AGMO: variants seen among roughly 807,000 people sequenced by gnomAD.
The protein encoded by AGMO is glyceryl-ether monooxygenase.
A neutral mutation model predicts 60.2 loss-of-function variants in AGMO; 75 were observed. The observed-to-expected ratio is 1.25, with a 90% CI of 1.03 to 1.51. The LOEUF (loss-of-function observed/expected upper bound fraction) is 1.51, where lower values mean the gene tolerates loss of function less well. Among genes scored for constraint, AGMO ranks in the 40% most tolerant of loss-of-function variants. The pLI is 0.00. For missense variants in AGMO, 763 were observed against 525.5 expected (o/e 1.45, Z -4.42); for synonymous variants, 261 against 177.1 (o/e 1.47, Z -3.76).
At chr7:15,389,614 G>A (rs56333770) in intron 8 of AGMO, among the ~76,000 whole-genome samples, 1,942 of 152,234 alleles carry the variant, frequency 0.013, 38 homozygotes, top group African/African-American at 0.044. Flanking sequence ...GGCCCTTTAC[G>A]TAAAGAGGCA....
At chr7:15,117,490 T>C in the AGMO span, among the ~76,000 whole-genome samples, 1 of 151,998 alleles carries the variant, frequency 6.6e-6, no homozygotes, top group East Asian at 1.9e-4. Flanking sequence ...TAAATTTCAC[T>C]GTTTGTAAAT....
chr7:15,133,774 G>A, the AGMO span, among the ~76,000 whole-genome samples: 1 of 152,156 alleles, frequency 6.6e-6, no homozygotes. Context: ...CAACCCAGGT[G>A]AGAGTTGGAG....
intron 12 of AGMO, among the ~76,000 whole-genome samples, chr7:15,340,783 CCT>C (rs1244357178): frequency 6.6e-6 from 1 of 152,184 alleles, no homozygotes; most frequent in East Asian, 1.9e-4. Context: ...TCATGGAAAA[CCT>C]CTGCTAGGGC....
chr7:15,511,604 C>G (rs1447003421), intron 3 of AGMO, among the ~76,000 whole-genome samples: 1 of 152,048 alleles, frequency 6.6e-6, no homozygotes, highest in Non-Finnish European at 1.5e-5. Flanking sequence ...GTATTGTATA[C>G]TTGAAATTTG....
chr7:15,294,981 G>C (rs1784370851), intron 12 of AGMO, among the ~76,000 whole-genome samples: 1 of 151,582 alleles, frequency 6.6e-6, no homozygotes, highest in East Asian at 1.9e-4. Flanking sequence ...AATTATGGAA[G>C]AAACTAAAAT....
At chr7:15,170,348 G>A in the AGMO span, among the ~76,000 whole-genome samples, 1 of 142,206 alleles carries the variant, frequency 7.0e-6, no homozygotes, top group East Asian at 2.5e-4. Flanking sequence ...TATAAAAGGA[G>A]ACAGAAATTT....
Position 15,322,577 on chromosome 7 carries a change from TATATATAA to T in AGMO, c.1263+42929_1263+42936del, listed in dbSNP as rs1253101147. ...ATATAAATATATAAATATATATAAA[TATATATAA>T]ATATATAAATATATATAAATATATA... is the stretch of plus-strand genomic sequence containing the variant. On this transcript the variant is annotated intron_variant, in intron 12 of 12. Coordinates refer to ENST00000342526, the MANE Select transcript of AGMO (RefSeq NM_001004320.2). Among the ~76,000 whole-genome samples the T allele has an allele frequency of 4.0e-3, 160 of 40,288 alleles. 15 individuals carry two copies. The highest frequency in any genetic ancestry group is 5.4e-3 in the Admixed American group (10 of 1,838). The allele number at this position is 40,288 out of a possible 152,430, so 26.4% of individuals were successfully genotyped here.
chr7:15,180,910 T>C, the AGMO span, among the ~76,000 whole-genome samples: 6 of 152,244 alleles, frequency 3.9e-5, no homozygotes, highest in Non-Finnish European at 5.9e-5. Context: ...CATCCCATGA[T>C]GGAAGGCAGC....
intron 3 of AGMO, among the ~76,000 whole-genome samples, chr7:15,465,952 A>C (rs1400523417): frequency 1.3e-5 from 2 of 152,138 alleles, no homozygotes; most frequent in African/African-American, 4.8e-5. Flanking sequence ...AAAATACTAA[A>C]ATTTATTTTC....
chr7:15,336,617 T>C (rs114867519), intron 12 of AGMO, among the ~76,000 whole-genome samples: 1,648 of 152,280 alleles, frequency 0.011, 32 homozygotes, highest in African/African-American at 0.034. Flanking sequence ...CCGAATATAT[T>C]AATCACATTC....
At chr7:15,528,366 A>T (rs1784180896) in intron 3 of AGMO, among the ~76,000 whole-genome samples, 1 of 152,146 alleles carries the variant, frequency 6.6e-6, no homozygotes, top group Non-Finnish European at 1.5e-5. Context: ...TATTCACTTT[A>T]TCATGCTGGT....
chr7:15,152,184 G>C, the AGMO span, among the ~76,000 whole-genome samples: 1 of 151,994 alleles, frequency 6.6e-6, no homozygotes, highest in African/African-American at 2.4e-5. Flanking sequence ...TTTAAAGTCT[G>C]TTTTGTGTGA....
At chr7:15,397,621 T>C (rs1784445077) in intron 5 of AGMO, among the ~76,000 whole-genome samples, 1 of 152,172 alleles carries the variant, frequency 6.6e-6, no homozygotes, top group African/African-American at 2.4e-5. Flanking sequence ...TCTCCCCACC[T>C]CTCCCTCTCT....
chr7:15,396,587 G>C (rs893831553), intron 5 of AGMO: 13 of 152,236 alleles, frequency 8.5e-5, no homozygotes, highest in East Asian at 5.8e-4. Flanking sequence ...CTCCTTGCTT[G>C]GATCGCCAGC....
intron 12 of AGMO, among the ~76,000 whole-genome samples, chr7:15,337,515 A>T (rs1177126959): frequency 1.3e-5 from 2 of 152,086 alleles, no homozygotes; most frequent in Admixed American, 1.3e-4. Flanking sequence ...TGATCTTCCC[A>T]GCTGAGAAAA....
intron 12 of AGMO, among the ~76,000 whole-genome samples, chr7:15,220,950 A>G (rs1781900881): frequency 6.6e-6 from 1 of 152,144 alleles, no homozygotes; most frequent in Non-Finnish European, 1.5e-5. Flanking sequence ...ATATTCGTAA[A>G]TCTTATAAAA....
rs375471235 is a variant in AGMO at position 15,406,931 on chromosome 7, G to GCA, written c.609+11625_609+11626dup. On this transcript the variant is annotated intron_variant, in intron 5 of 12. Coordinates refer to ENST00000342526, the MANE Select transcript of AGMO (RefSeq NM_001004320.2). ...GCCCCTTTGTTTGGAATACACACGC[G>GCA]CACACACACACACACACACACGTAT... is the stretch of plus-strand genomic sequence containing the variant. Among the ~76,000 whole-genome samples, 514 of 94,480 alleles carry GCA rather than the reference G, an allele frequency of 5.4e-3. 19 individuals are homozygous for GCA. The highest frequency in any genetic ancestry group is 0.014 in the African/African-American group (343 of 25,006). The allele number at this position is 94,480 out of a possible 152,430, so 62.0% of individuals were successfully genotyped here. A position where few individuals can be genotyped will look rare whatever the true frequency, so the allele number is the denominator to read the frequency against.
At chr7:15,270,205 T>C (rs567837275) in intron 12 of AGMO, among the ~76,000 whole-genome samples, 1 of 152,128 alleles carries the variant, frequency 6.6e-6, no homozygotes, top group African/African-American at 2.4e-5. Context: ...TTCATAGAGG[T>C]TGTACTAATT....
At chr7:15,342,534 G>A (rs1489616886) in intron 12 of AGMO, among the ~76,000 whole-genome samples, 1 of 151,710 alleles carries the variant, frequency 6.6e-6, no homozygotes, top group Non-Finnish European at 1.5e-5. Flanking sequence ...TGAGAGAAAG[G>A]CTTTATATTC....
Sources: gnomAD v4.1 joint callset for allele counts (sites outside exome capture counted in the v4.1 genomes callset) on GRCh38, gnomAD v4.1.1 for gene constraint, MANE v1.5 for transcripts, NCBI Gene and HGNC (gene_info 2026-07-23, HGNC 2026-07-21) for gene names.